Variants in GALNT13 observed in about 807,000 individuals in gnomAD.
GALNT13 encodes the protein polypeptide N-acetylgalactosaminyltransferase 13.
Under a neutral mutation model 64.2 loss-of-function variants are expected in GALNT13, and 28 were observed. That is an observed-to-expected ratio of 0.44 (90% CI 0.32 to 0.60). The LOEUF is 0.60. Ranked by LOEUF, GALNT13 falls within the 20% of genes least tolerant of loss-of-function variation. The probability of loss-of-function intolerance (pLI) is 0.05; values close to 1 mark genes in which losing one functional copy is unlikely to be tolerated. For synonymous variants in GALNT13, 214 were observed against 224.6 expected (o/e 0.95, Z 0.42); for missense variants, 577 against 669.8 (o/e 0.86, Z 1.53).
At chr2:153,201,632 G>C in the GALNT13 span, 2 of 151,214 alleles carry the variant, frequency 1.3e-5, no homozygotes, top group African/African-American at 4.9e-5. Context: ...CTCTATTTTA[G>C]TCAATTTACA....
intron 2 of GALNT13, among the ~76,000 whole-genome samples, chr2:153,936,481 A>C (rs1457672340): frequency 6.6e-6 from 1 of 152,120 alleles, no homozygotes; most frequent in African/African-American, 2.4e-5. Context: ...CATGGGCCAC[A>C]GTGGTATGGC....
the GALNT13 span, among the ~76,000 whole-genome samples, chr2:153,811,824 GAAC>G: frequency 6.6e-6 from 1 of 152,106 alleles, no homozygotes; most frequent in Non-Finnish European, 1.5e-5. Flanking sequence ...CTGCTCTGGG[GAAC>G]AACAGTAAGT....
the GALNT13 span, among the ~76,000 whole-genome samples, chr2:153,304,840 C>A: frequency 1.3e-5 from 2 of 152,024 alleles, no homozygotes; most frequent in Non-Finnish European, 2.9e-5. Flanking sequence ...AGAAATGATT[C>A]TTTTTTGGTG....
the GALNT13 span, among the ~76,000 whole-genome samples, chr2:153,336,783 G>A: frequency 6.6e-6 from 1 of 152,140 alleles, no homozygotes; most frequent in Non-Finnish European, 1.5e-5. Context: ...GGGGCTAGGG[G>A]TAGAATGAAA....
the GALNT13 span, among the ~76,000 whole-genome samples, chr2:153,450,863 G>A: frequency 6.6e-6 from 1 of 152,044 alleles, no homozygotes; most frequent in African/African-American, 2.4e-5. Flanking sequence ...TCTTTCCATA[G>A]GACCTTCAGT....
the GALNT13 span, among the ~76,000 whole-genome samples, chr2:153,470,613 T>C: frequency 6.6e-6 from 1 of 152,168 alleles, no homozygotes; most frequent in Non-Finnish European, 1.5e-5. Context: ...GCTTCTTTCA[T>C]GCGTGATGCA....
chr2:153,952,779 A>G (rs184503670), intron 3 of GALNT13, among the ~76,000 whole-genome samples: 4 of 152,316 alleles, frequency 2.6e-5, no homozygotes, highest in Admixed American at 2.0e-4. Flanking sequence ...CAAAACCTCA[A>G]AAGGAAAGCT....
At position 154,337,052 on chromosome 2, in the gene GALNT13, G is replaced by A. The variant is rs149130652; in HGVS notation, c.1156+35463G>A. ...TATTTCTCTATAAAAAAATATACATGTATGCCTGTTAAAATAGGCCTGATA... is the reference window on the plus strand; with the variant it reads ...TATTTCTCTATAAAAAAATATACATATATGCCTGTTAAAATAGGCCTGATA... On this transcript the variant is annotated intron_variant, in intron 9 of 12. Coordinates refer to ENST00000392825, the MANE Select transcript of GALNT13 (RefSeq NM_052917.4). Among the ~76,000 whole-genome samples, 3 of 152,142 alleles carry A rather than the reference G, an allele frequency of 2.0e-5. No individual in the cohort carries two copies. The East Asian group carries it at 5.8e-4, about 29-fold the overall frequency.
chr2:153,695,069 C>T, the GALNT13 span, among the ~76,000 whole-genome samples: 170 of 152,290 alleles, frequency 1.1e-3, 2 homozygotes, highest in Admixed American at 1.2e-3. Flanking sequence ...CAAGTGACTT[C>T]TCCCAGTAAG....
intron 3 of GALNT13, among the ~76,000 whole-genome samples, chr2:153,994,951 G>A (rs1232716607): frequency 1.3e-5 from 2 of 151,830 alleles, no homozygotes; most frequent in Non-Finnish European, 1.5e-5. Flanking sequence ...CTATTTTAGA[G>A]TTGATCAACA....
At chr2:153,255,995 T>C in the GALNT13 span, among the ~76,000 whole-genome samples, 1 of 152,204 alleles carries the variant, frequency 6.6e-6, no homozygotes, top group Non-Finnish European at 1.5e-5. Flanking sequence ...CTGTATTTCC[T>C]GAATCTGAAT....
intron 1 of GALNT13, among the ~76,000 whole-genome samples, chr2:153,877,586 T>C (rs1033203873): frequency 2.0e-5 from 3 of 152,186 alleles, no homozygotes; most frequent in Non-Finnish European, 2.9e-5. Flanking sequence ...TTTTGACATA[T>C]GAGGAGGATT....
chr2:153,499,301 AGTTT>A, the GALNT13 span, among the ~76,000 whole-genome samples: 1 of 152,164 alleles, frequency 6.6e-6, no homozygotes, highest in African/African-American at 2.4e-5. Context: ...GTCATCACAA[AGTTT>A]GTTCGAGTCT....
At chr2:154,402,972 G>A (rs1472275278) in intron 10 of GALNT13, among the ~76,000 whole-genome samples, 1 of 152,108 alleles carries the variant, frequency 6.6e-6, no homozygotes, top group East Asian at 1.9e-4. Context: ...TGAGATACAT[G>A]TTAAGATTTG....
intron 2 of GALNT13, among the ~76,000 whole-genome samples, chr2:153,905,348 G>A (rs2105302108): frequency 6.6e-6 from 1 of 152,020 alleles, no homozygotes; most frequent in African/African-American, 2.4e-5. Context: ...ACTGCAAATA[G>A]TACTAAACCT....
chr2:154,116,936 A>T (rs912382331), intron 3 of GALNT13, among the ~76,000 whole-genome samples: 1 of 152,178 alleles, frequency 6.6e-6, no homozygotes, highest in Non-Finnish European at 1.5e-5. Flanking sequence ...ATTCACTCAC[A>T]CACTCGCAAT....
the GALNT13 span, among the ~76,000 whole-genome samples, chr2:153,649,743 A>G: frequency 6.6e-6 from 1 of 152,152 alleles, no homozygotes; most frequent in African/African-American, 2.4e-5. Flanking sequence ...ATTCAGGAGC[A>G]GGTTGTTCAG....
the GALNT13 span, among the ~76,000 whole-genome samples, chr2:153,409,902 T>C: frequency 6.6e-6 from 1 of 152,084 alleles, no homozygotes; most frequent in South Asian, 2.1e-4. Context: ...AGAAAAATGC[T>C]CCAGACCTGG....
intron 8 of GALNT13, among the ~76,000 whole-genome samples, chr2:154,297,536 A>G (rs1692997316): frequency 6.6e-6 from 1 of 152,206 alleles, no homozygotes; most frequent in African/African-American, 2.4e-5. Flanking sequence ...AAAGATAGTC[A>G]TCTACAAGTC....
Sources: allele counts gnomAD v4.1 joint callset (sites outside exome capture counted in the v4.1 genomes callset), GRCh38; gene constraint gnomAD v4.1.1; transcripts MANE v1.5; gene names NCBI Gene and HGNC (gene_info 2026-07-23, HGNC 2026-07-21).